The following CCDC63 variants were observed in gnomAD, a reference collection of about 807,000 sequenced individuals.
CCDC63 encodes the protein coiled-coil domain containing 63, also known as coiled-coil domain-containing protein 63.
CCDC63 carries 54 observed loss-of-function variants against 63.6 expected under a neutral mutation model. The observed-to-expected ratio is 0.85, with a 90% CI of 0.68 to 1.07. CCDC63 has a LOEUF of 1.07. Ranked by LOEUF, CCDC63 falls within the 50% of genes least tolerant of loss-of-function variation. CCDC63 has a pLI of 0.00. For missense variants in CCDC63, 637 were observed against 689.6 expected, an observed-to-expected ratio of 0.92 and a Z score of 0.86; for synonymous variants, 253 against 266.1, an observed-to-expected ratio of 0.95 and a Z score of 0.48.
chr12:110,856,844 CTTT>C (rs34855503), intron 3 of CCDC63, among the ~76,000 whole-genome samples: 22 of 115,520 alleles, frequency 1.9e-4, no homozygotes, highest in South Asian at 5.8e-4. Flanking sequence ...CCTTTCCTTT[CTTT>C]TTTTTTTTTT....
chr12:110,863,519 C>G, intron 4 of CCDC63, among the ~76,000 whole-genome samples: 1 of 150,746 alleles, frequency 6.6e-6, no homozygotes, highest in South Asian at 2.1e-4. Context: ...AAATATCTGA[C>G]TGGAAATAGG....
upstream of CCDC63, chr12:110,845,925 C>A (rs963187038): frequency 7.1e-6 from 1 of 140,482 alleles, no homozygotes; most frequent in Non-Finnish European, 1.5e-5. Context: ...TGCCACCATG[C>A]CGGGCTAAAT....
chr12:110,856,361 C>T (rs1249953852), intron 3 of CCDC63, among the ~76,000 whole-genome samples: 4 of 152,092 alleles, frequency 2.6e-5, no homozygotes, highest in East Asian at 3.9e-4. Flanking sequence ...GCTGGGATTA[C>T]AGGCATGAGC....
chr12:110,905,872 G>A (rs1428526455), intron 11 of CCDC63, among the ~76,000 whole-genome samples: 2 of 42,432 alleles, frequency 4.7e-5, no homozygotes, highest in African/African-American at 1.6e-4. Context: ...GTGTATATAT[G>A]TGTGTGTGTA....
intron 9 of CCDC63, among the ~76,000 whole-genome samples, chr12:110,896,223 C>T (rs1334047934): frequency 6.6e-6 from 1 of 152,140 alleles, no homozygotes; most frequent in South Asian, 2.1e-4. Flanking sequence ...TCACTGCAGC[C>T]TCAACCTCCC....
At chr12:110,894,471 G>T (rs1463557805) in intron 9 of CCDC63, among the ~76,000 whole-genome samples, 2 of 152,116 alleles carry the variant, frequency 1.3e-5, no homozygotes, top group South Asian at 2.1e-4. Context: ...CCTTCTTTGC[G>T]GCTGTTTTCT....
intron 8 of CCDC63, among the ~76,000 whole-genome samples, chr12:110,887,799 A>G (rs373491107): frequency 1.4e-4 from 21 of 151,890 alleles, no homozygotes; most frequent in African/African-American, 4.8e-4. Context: ...GGGTTTCACC[A>G]TGTTGGCCAG....
chr12:110,857,590 C>T (rs1005566178), intron 3 of CCDC63, among the ~76,000 whole-genome samples: 1 of 152,200 alleles, frequency 6.6e-6, no homozygotes, highest in Non-Finnish European at 1.5e-5. Flanking sequence ...TACTGATCCG[C>T]AAACCACATT....
At chr12:110,868,727 GA>G (rs1188587015) in intron 4 of CCDC63, among the ~76,000 whole-genome samples, 24 of 126,300 alleles carry the variant, frequency 1.9e-4, no homozygotes, top group East Asian at 2.6e-4. Flanking sequence ...GGGAGAGGGA[GA>G]GGGAGGGAGA....
intron 4 of CCDC63, among the ~76,000 whole-genome samples, chr12:110,872,442 A>G (rs142266953): frequency 4.2e-4 from 64 of 152,344 alleles, no homozygotes; most frequent in African/African-American, 1.4e-3. Flanking sequence ...CACAACTCGA[A>G]GAACATGATT....
chr12:110,885,026 A>G (rs2071261142), intron 8 of CCDC63, among the ~76,000 whole-genome samples: 1 of 151,992 alleles, frequency 6.6e-6, no homozygotes, highest in Non-Finnish European at 1.5e-5. Flanking sequence ...ATGTATAGAT[A>G]CATTTCATGT....
chr12:110,865,874 C>A (rs950250769), intron 4 of CCDC63, among the ~76,000 whole-genome samples: 2 of 152,214 alleles, frequency 1.3e-5, no homozygotes, highest in Non-Finnish European at 2.9e-5. Flanking sequence ...CCGTGAAGGT[C>A]GGTGCAATGG....
At chr12:110,847,564 A>G (rs201855844) in intron 1 of CCDC63, among the ~76,000 whole-genome samples, 2 of 71,042 alleles carry the variant, frequency 2.8e-5, no homozygotes, top group African/African-American at 1.2e-4. Context: ...CTCTCAAAAA[A>G]GGAAAAAAAA....
rs1443621557 is a variant in CCDC63 at position 110,873,870 on chromosome 12, AC to A, written c.400del (p.Gln134LysfsTer28). The part of the protein sequence containing the change: ...KILQMEKKIA[N>X]QKQIFAKMQE... ...CTTCAGATGGAAAAAAAAATCGCAA[AC>A]CAAAAACAGATTTTCGCAAAAATGC... On this transcript the variant is annotated frameshift_variant, in exon 5 of 12. Coordinates refer to ENST00000308208, the MANE Select transcript of CCDC63 (RefSeq NM_152591.3). LOFTEE classifies it high-confidence loss of function. 1 of 1,612,592 alleles carries A rather than the reference AC, an allele frequency of 6.2e-7. No homozygotes were observed. The highest frequency in any genetic ancestry group is 1.3e-5 in the African/African-American group (1 of 74,526).
chr12:110,888,555 A>G (rs1216136242), intron 8 of CCDC63, among the ~76,000 whole-genome samples: 1 of 152,204 alleles, frequency 6.6e-6, no homozygotes, highest in African/African-American at 2.4e-5. Context: ...TTTGGGCTCA[A>G]ATAGATCTGC....
chr12:110,848,942 C>T (rs2136634479), intron 1 of CCDC63, among the ~76,000 whole-genome samples: 1 of 152,320 alleles, frequency 6.6e-6, no homozygotes, highest in East Asian at 1.9e-4. Flanking sequence ...GCATCCTGTG[C>T]CCAAACCTTG....
rs1263893194 is a variant in CCDC63, at chr12:110,886,131, A to G, written c.1074+1881A>G. 2.0e-5 allele frequency among the ~76,000 whole-genome samples: 3 copies of G among 152,330 alleles called. No individual in the cohort carries two copies. In the East Asian group the frequency reaches 5.8e-4, roughly 29 times the overall value. ...GCCAGGCACAGTGGCTCACACCTGT[A>G]ATCGCAGCACTTTGGGAGGCCGAGG... On this transcript the variant is annotated intron_variant, in intron 8 of 11. Coordinates refer to ENST00000308208, the MANE Select transcript of CCDC63 (RefSeq NM_152591.3).
chr12:110,877,431 C>A (rs1183304349), intron 5 of CCDC63, among the ~76,000 whole-genome samples: 4 of 152,062 alleles, frequency 2.6e-5, no homozygotes, highest in African/African-American at 9.7e-5. Flanking sequence ...TCAGGCTGGT[C>A]TCAAACGCCT....
chr12:110,863,263 CGTGTGTGTGTGT>C, intron 4 of CCDC63, among the ~76,000 whole-genome samples: 1 of 149,218 alleles, frequency 6.7e-6, no homozygotes, highest in South Asian at 2.1e-4. Context: ...GTGACACACA[CGTGTGTGTGTGT>C]GTGTGTGTGT....
Sources: gnomAD v4.1 joint callset for allele counts (sites outside exome capture counted in the v4.1 genomes callset) on GRCh38, gnomAD v4.1.1 for gene constraint, MANE v1.5 for transcripts, NCBI Gene and HGNC (gene_info 2026-07-23, HGNC 2026-07-21) for gene names.